STOM: variants seen among roughly 807,000 people sequenced by gnomAD.
STOM encodes erythrocyte band 7 integral membrane protein.
Under a neutral mutation model 30.6 loss-of-function variants are expected in STOM, and 25 were observed. The observed-to-expected ratio is 0.82, with a 90% confidence interval of 0.60 to 1.14. The LOEUF is 1.14. Ranked by LOEUF, STOM falls within the 50% of genes most tolerant of loss-of-function variation. STOM has a pLI of 0.00. For missense variants in STOM, 292 were observed against 365.2 expected (o/e 0.80, Z 1.63); for synonymous variants, 118 against 130.8 (o/e 0.90, Z 0.67).
rs188279508 is a variant in STOM, at chr9:121,343,500, T to C, written c.661-2092A>G. Among the ~76,000 whole-genome samples the C allele has an allele frequency of 2.2e-3, 329 of 152,288 alleles. 7 individuals carry two copies. The highest frequency in any genetic ancestry group is 4.4e-3 in the South Asian group (21 of 4,824). ...AGTGTGATAAATGCTGACAGACATA[T>C]GTACAAGGCACAGTGCAAGCAAACA... On this transcript the variant is annotated intron_variant, in intron 6 of 6. Coordinates refer to ENST00000286713, the MANE Select transcript of STOM (RefSeq NM_004099.6).
intron 6 of STOM, among the ~76,000 whole-genome samples, chr9:121,346,949 G>A (rs1158686683): frequency 6.6e-6 from 1 of 152,176 alleles, no homozygotes; most frequent in Non-Finnish European, 1.5e-5. Context: ...TTGTGTCTTG[G>A]GAGATTTGTC....
At chr9:121,355,431 C>T (rs1457980859) in intron 2 of STOM, among the ~76,000 whole-genome samples, 1 of 149,616 alleles carries the variant, frequency 6.7e-6, no homozygotes, top group Non-Finnish European at 1.5e-5. Flanking sequence ...AATTCAGAAA[C>T]ACAAAAAGCT....
chr9:121,363,082 T>TG (rs1433153996), intron 1 of STOM, among the ~76,000 whole-genome samples: 1 of 152,202 alleles, frequency 6.6e-6, no homozygotes, highest in Non-Finnish European at 1.5e-5. Flanking sequence ...AATCTGACTG[T>TG]GAGTCATAAG....
Position 121,340,685 on chromosome 9 carries a change from G to A in STOM, c.*517C>T, listed in dbSNP as rs1197841065. 4.4e-6 allele frequency: 4 copies of A among 902,702 alleles called. No homozygotes were observed. Among genetic ancestry groups the A allele is most frequent in the African/African-American group, 1.8e-5 (1 of 55,286 alleles). The allele number at this position is 902,702 out of a possible 1,614,324, so 55.9% of individuals were successfully genotyped here. ...GAATCTCTTGAACCCAGGAGGCGGA[G>A]GTTGCAGTGAGCCGAGATCATGCTA... On this transcript the variant is annotated 3_prime_UTR_variant, in exon 7 of 7. Coordinates refer to ENST00000286713, the MANE Select transcript of STOM (RefSeq NM_004099.6).
At chr9:121,354,536 T>A in intron 3 of STOM, 65 bp downstream of exon 3, 1 of 1,387,908 alleles carries the variant, frequency 7.2e-7, no homozygotes, top group Non-Finnish European at 9.9e-7. Flanking sequence ...AACAACTACC[T>A]AAAAATAAAA....
At chr9:121,346,905 A>C (rs2064294487) in intron 6 of STOM, among the ~76,000 whole-genome samples, 1 of 152,246 alleles carries the variant, frequency 6.6e-6, no homozygotes, top group Non-Finnish European at 1.5e-5. Context: ...ATGACCAGCT[A>C]CTACTATTTT....
rs199843053 is a variant in STOM, at chr9:121,349,115, C to T, written c.525+5G>A. The T allele has an allele frequency of 6.2e-6, 10 of 1,613,882 alleles. No homozygotes were observed. Among genetic ancestry groups the T allele is most frequent in the Non-Finnish European group, 8.5e-6 (10 of 1,179,892 alleles). The stretch of plus-strand genomic sequence containing the variant: ...GGGGGGTAACAGCATTGACGTACTC[C>T]CCACCTGCATGTTGTGTGCAATTTC... On this transcript the variant is annotated splice_donor_5th_base_variant and intron_variant, in intron 5 of 6. Transcript: ENST00000286713.
At chr9:121,342,196 C>A (rs957561526) in intron 6 of STOM, among the ~76,000 whole-genome samples, 2 of 152,030 alleles carry the variant, frequency 1.3e-5, no homozygotes, top group Non-Finnish European at 2.9e-5. Context: ...ATGGCAAAAC[C>A]CTATCTCTAC....
At chr9:121,357,013 G>A (rs1189793544) in intron 1 of STOM, among the ~76,000 whole-genome samples, 1 of 152,046 alleles carries the variant, frequency 6.6e-6, no homozygotes, top group East Asian at 1.9e-4. Flanking sequence ...AAAGGAAAGA[G>A]GGAAAAGGCA....
intron 1 of STOM, among the ~76,000 whole-genome samples, chr9:121,356,661 G>A (rs2064393599): frequency 6.6e-6 from 1 of 152,130 alleles, no homozygotes; most frequent in African/African-American, 2.4e-5. Flanking sequence ...GTTTCCTGAA[G>A]GATGTAATAG....
intron 4 of STOM, among the ~76,000 whole-genome samples, chr9:121,351,047 C>T (rs76580019): frequency 0.037 from 5,696 of 152,254 alleles, 175 homozygotes; most frequent in Non-Finnish European, 0.059. Flanking sequence ...TGTTTATCAT[C>T]GGCAAGGGTT....
In STOM at chr9:121,341,022, A is replaced by G; in HGVS notation, c.*180T>C. On this transcript the variant is annotated 3_prime_UTR_variant, in exon 7 of 7. Transcript: ENST00000286713. Reference sequence around the variant, plus strand: ...AAGACTAACAGATTACCTTATATAAATCACCAATCTCTCAGTATTTACAAG... The same window carrying G: ...AAGACTAACAGATTACCTTATATAAGTCACCAATCTCTCAGTATTTACAAG... 7.0e-7 allele frequency: 1 copy of G among 1,436,880 alleles called. No homozygotes were observed. The highest frequency in any genetic ancestry group is 9.1e-7 in the Non-Finnish European group (1 of 1,100,718). 89.0% of individuals were successfully genotyped at this position (1,436,880 alleles called of 1,614,324 possible).
At chr9:121,369,747 A>G (rs998048569) in intron 1 of STOM, among the ~76,000 whole-genome samples, 1 of 151,886 alleles carries the variant, frequency 6.6e-6, no homozygotes, top group Non-Finnish European at 1.5e-5. Flanking sequence ...TCGGGAAAGA[A>G]GGGGAGTGGG....
At chr9:121,342,541 C>A (rs780118248) in intron 6 of STOM, among the ~76,000 whole-genome samples, 4 of 151,212 alleles carry the variant, frequency 2.6e-5, no homozygotes, top group African/African-American at 7.3e-5. Flanking sequence ...AAGAATCTGG[C>A]GGAAGTGAAG....
chr9:121,349,092 G>T (rs535264137), intron 5 of STOM, 28 bp downstream of exon 5: 49 of 1,608,014 alleles, frequency 3.0e-5, no homozygotes, highest in Non-Finnish European at 3.9e-5. Flanking sequence ...CAGCTTCTGG[G>T]GGGTAACAGC....
At chr9:121,350,491 GGTA>G (rs962162200) in intron 4 of STOM, among the ~76,000 whole-genome samples, 1 of 152,156 alleles carries the variant, frequency 6.6e-6, no homozygotes, top group African/African-American at 2.4e-5. Context: ...AAACATAGCG[GGTA>G]GTCAATAAAT....
At chr9:121,341,870 C>T (rs115030102) in intron 6 of STOM, among the ~76,000 whole-genome samples, 218 of 152,250 alleles carry the variant, frequency 1.4e-3, no homozygotes, top group African/African-American at 5.1e-3. Flanking sequence ...GTGCTAAGAA[C>T]TGTATGATAC....
rs2064241226 is a variant in STOM, at chr9:121,341,005, C to T, written c.*197G>A. On this transcript the variant is annotated 3_prime_UTR_variant, in exon 7 of 7. Transcript: ENST00000286713. ...AAACTTTTAACTATTTTAAGACTAACAGATTACCTTATATAAATCACCAAT... is the reference window on the plus strand; with the variant it reads ...AAACTTTTAACTATTTTAAGACTAATAGATTACCTTATATAAATCACCAAT... The T allele has an allele frequency of 7.0e-7, 1 of 1,423,020 alleles. No homozygotes were observed. Among genetic ancestry groups the T allele is most frequent in the African/African-American group, 1.4e-5 (1 of 69,396 alleles). 88.1% of individuals were successfully genotyped at this position (1,423,020 alleles called of 1,614,324 possible).
At chr9:121,356,009 G>T (rs527633384) in intron 2 of STOM, 44 bp downstream of exon 2, 2 of 1,507,310 alleles carry the variant, frequency 1.3e-6, no homozygotes, top group East Asian at 4.5e-5. Context: ...GTTTATGGAG[G>T]TAGGAGTTGA....
Sources: gnomAD v4.1 joint callset for allele counts (sites outside exome capture counted in the v4.1 genomes callset) on GRCh38, gnomAD v4.1.1 for gene constraint, MANE v1.5 for transcripts, NCBI Gene and HGNC (gene_info 2026-07-23, HGNC 2026-07-21) for gene names.